The following THBS4 variants were observed in gnomAD, a reference collection of about 807,000 sequenced individuals.
The protein encoded by THBS4 is thrombospondin-4.
In THBS4, 90 loss-of-function variants were observed where a neutral mutation model predicts 115.7. That is an observed-to-expected ratio of 0.78 (90% CI 0.66 to 0.93). The LOEUF (loss-of-function observed/expected upper bound fraction) is 0.93. Among genes scored for constraint, THBS4 ranks in the 40% least tolerant of loss-of-function variants. The pLI is 0.00. For synonymous variants in THBS4, 460 were observed against 479.3 expected, an observed-to-expected ratio of 0.96 and a Z score of 0.53; for missense variants, 1,087 against 1,232.7, an observed-to-expected ratio of 0.88 and a Z score of 1.77.
chr5:80,058,900 A>C (rs1256603985), intron 5 of THBS4, 110 bp downstream of exon 5: 4 of 1,089,746 alleles, frequency 3.7e-6, no homozygotes, highest in Non-Finnish European at 5.3e-6. Context: ...TCTGAGCCAG[A>C]TCTCCGGGGG....
intron 2 of THBS4, among the ~76,000 whole-genome samples, chr5:80,029,984 A>G (rs1832554923): frequency 6.6e-6 from 1 of 152,036 alleles, no homozygotes; most frequent in Non-Finnish European, 1.5e-5. Context: ...AAATAATAGG[A>G]AATTCTACTT....
chr5:80,056,151 A>G, intron 3 of THBS4, 119 bp downstream of exon 3: 21 of 1,247,386 alleles, frequency 1.7e-5, no homozygotes, highest in Non-Finnish European at 2.2e-5. Context: ...CCGCTTGCAC[A>G]TCAGAATCAC....
At chr5:80,003,229 A>T (rs1316270634) in intron 2 of THBS4, among the ~76,000 whole-genome samples, 1 of 152,216 alleles carries the variant, frequency 6.6e-6, no homozygotes, top group African/African-American at 2.4e-5. Flanking sequence ...GTTATTCCTT[A>T]TACCTTTATA....
chr5:80,000,840 G>A (rs577486643), intron 2 of THBS4, among the ~76,000 whole-genome samples: 3 of 152,200 alleles, frequency 2.0e-5, no homozygotes, highest in South Asian at 4.2e-4. Flanking sequence ...GAAGGGTTAC[G>A]GGCGGGAATT....
At chr5:80,082,592 C>T (rs1561333064) in intron 21 of THBS4, 47 bp downstream of exon 21, 1 of 1,605,394 alleles carries the variant, frequency 6.2e-7, no homozygotes, top group Admixed American at 1.7e-5. Flanking sequence ...TAGAATTAGT[C>T]AAACACTGCC....
chr5:80,019,041 G>GTTTTTTTT (rs537532061), intron 2 of THBS4, among the ~76,000 whole-genome samples: 1 of 135,012 alleles, frequency 7.4e-6, no homozygotes, highest in East Asian at 2.2e-4. Context: ...CTCTGTGATT[G>GTTTTTTTT]TTTTTTTTTT....
chr5:80,015,000 A>C (rs1832218886), intron 2 of THBS4, among the ~76,000 whole-genome samples: 1 of 152,238 alleles, frequency 6.6e-6, no homozygotes, highest in Non-Finnish European at 1.5e-5. Flanking sequence ...AAGTCTTGCT[A>C]ACACTCCTTG....
At chr5:80,074,915 A>G (rs1351411346) in intron 15 of THBS4, among the ~76,000 whole-genome samples, 1 of 152,108 alleles carries the variant, frequency 6.6e-6, no homozygotes, top group Non-Finnish European at 1.5e-5. Context: ...CCTTGCTGCA[A>G]AGTACATATA....
chr5:79,992,002 A>AGCCAC (rs1831685239), intron 1 of THBS4, among the ~76,000 whole-genome samples: 1 of 152,202 alleles, frequency 6.6e-6, no homozygotes, highest in Non-Finnish European at 1.5e-5. Context: ...CTCTGTGCTT[A>AGCCAC]AAAAGGCTCC....
chr5:80,071,157 G>GTGATGATGACA lies in THBS4; in HGVS notation c.1700_1710dup (p.Asp571MetfsTer9). The stretch of plus-strand genomic sequence containing the variant: ...GATGGGGATGGAAGAGGAGATGCCT[G>GTGATGATGACA]TGATGATGACATGGATGGAGATGGT... On this transcript the variant is annotated frameshift_variant, in exon 13 of 22. Transcript: ENST00000350881. LOFTEE classifies it high-confidence loss of function. 1 of 1,589,992 alleles carries GTGATGATGACA rather than the reference G, an allele frequency of 6.3e-7. No homozygotes were observed. Among genetic ancestry groups the GTGATGATGACA allele is most frequent in the South Asian group, 1.2e-5 (1 of 86,292 alleles).
upstream of THBS4, among the ~76,000 whole-genome samples, chr5:80,035,146 G>A (rs1832669179): frequency 6.6e-6 from 1 of 151,468 alleles, no homozygotes; most frequent in Non-Finnish European, 1.5e-5. This position sits in a 1 kb window ranked among gnomAD's most constrained non-coding sequence, Gnocchi z 4.6. Context: ...CGTCGGGGCC[G>A]TGTCTACACC....
chr5:80,059,646 G>A (rs1833557525), intron 6 of THBS4, 57 bp from the exon 7 acceptor site: 13 of 1,604,356 alleles, frequency 8.1e-6, no homozygotes, highest in Middle Eastern at 1.7e-4. Context: ...ATTTTGTTTT[G>A]CCTTCTGTAT....
intron 2 of THBS4, among the ~76,000 whole-genome samples, chr5:80,047,815 G>T (rs1472164955): frequency 6.6e-6 from 1 of 151,562 alleles, no homozygotes; most frequent in African/African-American, 2.4e-5. Context: ...TTTTGTTGTT[G>T]TCGTTATCCT....
At chr5:80,029,594 C>A (rs190441871) in intron 2 of THBS4, among the ~76,000 whole-genome samples, 1 of 152,050 alleles carries the variant, frequency 6.6e-6, no homozygotes, top group Non-Finnish European at 1.5e-5. Context: ...ATTTTTCACA[C>A]CTCTTTTCTT....
Position 80,035,610 on chromosome 5 carries a change from C to A in THBS4, c.73C>A (p.Gln25Lys). 7.2e-7 allele frequency: 1 copy of A among 1,396,450 alleles called. No individual in the cohort carries two copies. The highest frequency in any genetic ancestry group is 9.3e-7 in the Non-Finnish European group (1 of 1,074,570). The allele number at this position is 1,396,450 out of a possible 1,614,324, so 86.5% of individuals were successfully genotyped here. Residue 25 changes from glutamine (Q) to lysine (K), a missense_variant, in exon 1 of 22, where the codon CAG becomes AAG. By Grantham distance (53) the Gln-to-Lys change is moderately conservative (BLOSUM62 1). Transcript: ENST00000350881. The surrounding 1 kb of genome is among the most constrained non-coding windows in gnomAD (Gnocchi z 4.6). ...VLQRWLAAGA[Q>K]ATPQVFDLLP... ...GCAGCGGTGGCTAGCGGCAGGCGCC[C>A]AGGCCACCCCCCAGGGTAAGTGGGT... is the stretch of plus-strand genomic sequence containing the variant.
intron 7 of THBS4, among the ~76,000 whole-genome samples, chr5:80,061,139 T>C (rs1307359452): frequency 6.6e-6 from 1 of 152,174 alleles, no homozygotes; most frequent in African/African-American, 2.4e-5. Flanking sequence ...GTCATGTTTT[T>C]TACATTAGTT....
chr5:80,060,900 G>A (rs1304833581), intron 7 of THBS4, among the ~76,000 whole-genome samples: 3 of 152,198 alleles, frequency 2.0e-5, no homozygotes, highest in Non-Finnish European at 2.9e-5. Context: ...AAGGAGAAGC[G>A]CAGGGGAGAG....
At chr5:80,039,661 G>T (rs1832829943) in intron 1 of THBS4, among the ~76,000 whole-genome samples, 1 of 152,196 alleles carries the variant, frequency 6.6e-6, no homozygotes, top group South Asian at 2.1e-4. Context: ...GGTCCTGGAG[G>T]TGCCTATGGG....
At position 80,058,741 on chromosome 5, in the gene THBS4, C is replaced by A. The variant is rs753195921; in HGVS notation, c.683C>A (p.Thr228Lys). The change falls in exon 5 of 22, where the codon ACA (threonine) becomes AAA (lysine). Residue 228 changes from threonine (T) to lysine (K), a missense_variant. By Grantham distance (78) the Thr-to-Lys change is moderately conservative. This residue lies in a region of THBS4 where 979 missense variants were observed against 1,103.7 expected (regional missense o/e 0.89). Transcript: ENST00000350881. ...AACCGGCAGTTCTTGGGTCAAATGA[C>A]ACAATTAAACCAACTCCTGGGAGAG... is the stretch of plus-strand genomic sequence containing the variant. Reference protein sequence around the residue: ...DFNRQFLGQMTQLNQLLGEVK... With the variant: ...DFNRQFLGQMKQLNQLLGEVK... 5.6e-6 allele frequency: 9 copies of A among 1,614,108 alleles called. 1 individual carries two copies. The South Asian group carries it at 9.9e-5, about 18-fold the overall frequency.
Sources: gnomAD v4.1 joint callset for allele counts (sites outside exome capture counted in the v4.1 genomes callset) on GRCh38, gnomAD v4.1.1 for gene constraint, gnomAD v4.1.1 regional missense constraint, Gnocchi (gnomAD v3.1) non-coding constraint, MANE v1.5 for transcripts, NCBI Gene and HGNC (gene_info 2026-07-23, HGNC 2026-07-21) for gene names.